SRGAP1: variants seen among roughly 807,000 people sequenced by gnomAD.
The protein encoded by SRGAP1 is SLIT-ROBO Rho GTPase activating protein 1.
In SRGAP1, 43 loss-of-function variants were observed where a neutral mutation model predicts 121.9. The observed-to-expected ratio is 0.35, with a 90% CI of 0.28 to 0.46. The LOEUF is 0.46. Among genes scored for constraint, SRGAP1 ranks in the 20% least tolerant of loss-of-function variants. The pLI is 1.00. For missense variants in SRGAP1, 1,102 were observed against 1,350.9 expected (o/e 0.82, Z 2.89); for synonymous variants, 447 against 485.4 (o/e 0.92, Z 1.04).
intron 8 of SRGAP1, among the ~76,000 whole-genome samples, chr12:64,071,511 C>T (rs534554770): frequency 1.1e-3 from 161 of 152,278 alleles, no homozygotes; most frequent in Admixed American, 3.5e-3. Flanking sequence ...TTGCTTCCAC[C>T]GTAGGTGGAA....
At chr12:63,890,821 G>C (rs1900554235) in intron 1 of SRGAP1, among the ~76,000 whole-genome samples, 1 of 152,192 alleles carries the variant, frequency 6.6e-6, no homozygotes, top group Non-Finnish European at 1.5e-5. Flanking sequence ...GGGCCCTGTG[G>C]AGAACTGGTT....
rs115126897 is a variant in SRGAP1 at position 64,021,138 on chromosome 12, A to G, written c.489+4126A>G. On this transcript the variant is annotated intron_variant, in intron 4 of 21. Transcript: ENST00000355086. ...GCATTCGTGGCAACAGAATGGAAAC[A>G]GGGAAGAAGGGCCTTGCCTTTTAAG... 3.1e-3 allele frequency among the ~76,000 whole-genome samples: 475 copies of G among 152,300 alleles called. 3 individuals are homozygous for G. Among genetic ancestry groups the G allele is most frequent in the African/African-American group, 0.011 (443 of 41,580 alleles).
chr12:63,859,447 G>T (rs1014453144), intron 1 of SRGAP1, among the ~76,000 whole-genome samples: 1 of 152,194 alleles, frequency 6.6e-6, no homozygotes, highest in African/African-American at 2.4e-5. Context: ...GATTACAGGT[G>T]TGAACCTCTG....
chr12:63,920,384 A>C (rs151239258), intron 1 of SRGAP1, among the ~76,000 whole-genome samples: 4 of 152,198 alleles, frequency 2.6e-5, no homozygotes, highest in African/African-American at 9.7e-5. Flanking sequence ...TCCATGGAGT[A>C]GCAAGAGAGT....
At chr12:63,849,567 A>C (rs544797503) in intron 1 of SRGAP1, among the ~76,000 whole-genome samples, 14 of 152,356 alleles carry the variant, frequency 9.2e-5, no homozygotes, top group Admixed American at 9.1e-4. Flanking sequence ...CCTGACATAC[A>C]AATAATACAT....
Position 63,907,966 on chromosome 12 carries a change from T to C in SRGAP1, c.67+63083T>C, listed in dbSNP as rs564985065. On this transcript the variant is annotated intron_variant, in intron 1 of 21. Transcript: ENST00000355086. ...CCATTTGTTGAAAAGACTATTCTTT[T>C]TTCATTGAATTATCGTGCTATCCCT... Among the ~76,000 whole-genome samples, 7 of 152,306 alleles carry C rather than the reference T, an allele frequency of 4.6e-5. No individual in the cohort carries two copies. The East Asian group carries it at 1.4e-3, about 29-fold the overall frequency.
Position 63,959,330 on chromosome 12 carries a change from A to G in SRGAP1, c.68-24617A>G, listed in dbSNP as rs541483498. 2.0e-5 allele frequency among the ~76,000 whole-genome samples: 3 copies of G among 152,294 alleles called. No individual in the cohort carries two copies. In the South Asian group the frequency reaches 6.2e-4, roughly 32 times the overall value. On this transcript the variant is annotated intron_variant, in intron 1 of 21. Coordinates refer to ENST00000355086, the MANE Select transcript of SRGAP1 (RefSeq NM_020762.4). ...GCTCATAAACTGAGGACACCTGTTC[A>G]CTTAATTTTTTTTCCTAATTCAGTA...
chr12:64,015,147 C>T (rs2034369142), intron 3 of SRGAP1, among the ~76,000 whole-genome samples: 1 of 152,090 alleles, frequency 6.6e-6, no homozygotes, highest in Non-Finnish European at 1.5e-5. Context: ...CTACCTGAAA[C>T]GTGGGTAGCT....
chr12:64,150,934 C>CAAAAAA lies in SRGAP1; in HGVS notation c.*8283_*8288dup, dbSNP rs750351170. On this transcript the variant is annotated 3_prime_UTR_variant, in exon 22 of 22. Coordinates refer to ENST00000355086, the MANE Select transcript of SRGAP1 (RefSeq NM_020762.4). The stretch of plus-strand genomic sequence containing the variant: ...TGGGTGGAAGAGTGAGAAGCTATCT[C>CAAAAAA]AAAAAAAAAAAAAAAAAAAAAAAAA... The CAAAAAA allele has an allele frequency of 2.0e-4, 5 of 24,704 alleles. No homozygotes were observed. Among genetic ancestry groups the CAAAAAA allele is most frequent in the African/African-American group, 2.7e-4 (3 of 11,204 alleles). 1.5% of individuals were successfully genotyped at this position (24,704 alleles called of 1,614,324 possible).
chr12:64,105,024 A>G (rs1245763811), intron 15 of SRGAP1, among the ~76,000 whole-genome samples: 2 of 152,016 alleles, frequency 1.3e-5, no homozygotes, highest in African/African-American at 4.8e-5. Context: ...CATCTTCTCA[A>G]ACAGAAACTC....
intron 10 of SRGAP1, chr12:64,082,001 C>CTTTTTTTTTTTTTTTTTTTTT: frequency 6.0e-4 from 40 of 66,136 alleles, no homozygotes; most frequent in South Asian, 8.4e-4. Context: ...CATGTAAGGT[C>CTTTTTTTTTTTTTTTTTTTTT]TTTTTTTTTT....
chr12:63,956,301 G>A (rs1376130230), intron 1 of SRGAP1, among the ~76,000 whole-genome samples: 1 of 152,134 alleles, frequency 6.6e-6, no homozygotes, highest in Non-Finnish European at 1.5e-5. Context: ...TTGGGCTCAA[G>A]CGATCCGTCT....
intron 4 of SRGAP1, among the ~76,000 whole-genome samples, chr12:64,034,318 C>T (rs559412992): frequency 1.3e-5 from 2 of 152,096 alleles, no homozygotes; most frequent in South Asian, 2.1e-4. Context: ...CCTGCTTCCC[C>T]TTCACCTTCC....
At chr12:63,908,983 T>G (rs1327705992) in intron 1 of SRGAP1, among the ~76,000 whole-genome samples, 1 of 152,070 alleles carries the variant, frequency 6.6e-6, no homozygotes, top group Non-Finnish European at 1.5e-5. Context: ...CTCTGCCTCC[T>G]GGGTTCAAGT....
chr12:63,880,966 A>C (rs1160155660), intron 1 of SRGAP1, among the ~76,000 whole-genome samples: 1 of 149,968 alleles, frequency 6.7e-6, no homozygotes, highest in Non-Finnish European at 1.5e-5. Flanking sequence ...CCCTCTCAAA[A>C]ACACAACCGG....
chr12:64,093,666 T>A (rs2036097781), intron 12 of SRGAP1, among the ~76,000 whole-genome samples: 1 of 152,158 alleles, frequency 6.6e-6, no homozygotes, highest in African/African-American at 2.4e-5. Flanking sequence ...AGCCAACTAG[T>A]CCACACTAAA....
intron 15 of SRGAP1, among the ~76,000 whole-genome samples, chr12:64,104,914 A>C (rs541193975): frequency 2.4e-5 from 3 of 127,030 alleles, no homozygotes; most frequent in African/African-American, 1.3e-4. Context: ...TATATATATA[A>C]AAAATATAAA....
Position 64,145,973 on chromosome 12 carries a change from C to G in SRGAP1, c.*3301C>G, listed in dbSNP as rs1218191407. On this transcript the variant is annotated 3_prime_UTR_variant, in exon 22 of 22. Coordinates refer to ENST00000355086, the MANE Select transcript of SRGAP1 (RefSeq NM_020762.4). ...CTGACACAAGAATATGTATTCTCAG[C>G]TGATATAACTGTGTGTTCACATCCC... is the stretch of plus-strand genomic sequence containing the variant. The G allele has an allele frequency of 6.6e-6, 1 of 152,154 alleles. No individual in the cohort carries two copies. Among genetic ancestry groups the G allele is most frequent in the Non-Finnish European group, 1.5e-5 (1 of 68,034 alleles). The allele number at this position is 152,154 out of a possible 1,614,324, so 9.4% of individuals were successfully genotyped here.
intron 1 of SRGAP1, among the ~76,000 whole-genome samples, chr12:63,939,590 C>G (rs140582185): frequency 6.6e-6 from 1 of 152,116 alleles, no homozygotes; most frequent in African/African-American, 2.4e-5. Flanking sequence ...AATGAGTGGG[C>G]CCCTGGCTTC....
Sources: gnomAD v4.1 joint callset for allele counts (sites outside exome capture counted in the v4.1 genomes callset) on GRCh38, gnomAD v4.1.1 for gene constraint, MANE v1.5 for transcripts, NCBI Gene and HGNC (gene_info 2026-07-23, HGNC 2026-07-21) for gene names.